ZFYVE9: variants seen among roughly 807,000 people sequenced by gnomAD.
ZFYVE9 encodes the protein zinc finger FYVE-type containing 9.
ZFYVE9 carries 43 observed loss-of-function variants against 126.7 expected under a neutral mutation model. The observed-to-expected ratio is 0.34, with a 90% CI of 0.27 to 0.44. The LOEUF (loss-of-function observed/expected upper bound fraction) is 0.44, where lower values mean the gene tolerates loss of function less well. Among genes scored for constraint, ZFYVE9 ranks in the 20% least tolerant of loss-of-function variants. The pLI is 1.00. For missense variants in ZFYVE9, 1,476 were observed against 1,697.0 expected (o/e 0.87, Z 2.29); for synonymous variants, 521 against 597.4 (o/e 0.87, Z 1.87).
chr1:52,184,924 G>A (rs576180019), intron 1 of ZFYVE9, among the ~76,000 whole-genome samples: 4 of 152,080 alleles, frequency 2.6e-5, no homozygotes, highest in Non-Finnish European at 5.9e-5. Flanking sequence ...GGAGGACAAG[G>A]GGGAGGATTG....
intron 1 of ZFYVE9, among the ~76,000 whole-genome samples, chr1:52,181,987 C>T (rs896445669): frequency 2.0e-5 from 3 of 150,844 alleles, no homozygotes; most frequent in East Asian, 2.0e-4. Flanking sequence ...CGCCCCGTCC[C>T]GGAGGGAGGC....
chr1:52,239,511 G>A lies in ZFYVE9; in HGVS notation c.2094G>A (p.Pro698=), dbSNP rs753986747. The A allele has an allele frequency of 8.1e-6, 13 of 1,614,080 alleles. No homozygotes were observed. The highest frequency in any genetic ancestry group is 1.6e-4 in the Middle Eastern group (1 of 6,062). The part of the protein sequence containing the change: ...TLGEVAPVWV[P]DSQAPNCMKC... ...GTGAGGTGGCTCCAGTATGGGTACC[G>A]GATTCTCAGGCTCCAAATTGCATGA... The change falls in exon 4 of 19, where the codon CCG becomes CCA. Residue 698 remains proline, a synonymous_variant. Coordinates refer to ENST00000287727, the MANE Select transcript of ZFYVE9 (RefSeq NM_004799.4).
chr1:52,251,986 ATT>A (rs201430657), intron 4 of ZFYVE9: 22 of 146,236 alleles, frequency 1.5e-4, no homozygotes, highest in Non-Finnish European at 7.6e-5. Flanking sequence ...GCGTTGAGGC[ATT>A]TTTTTTTTTT....
chr1:52,233,943 G>C (rs999642140), intron 3 of ZFYVE9, among the ~76,000 whole-genome samples: 11 of 152,056 alleles, frequency 7.2e-5, no homozygotes, highest in African/African-American at 1.4e-4. Context: ...ACCATGCCTG[G>C]CTAATTTTTG....
Position 52,253,868 on chromosome 1 carries a change from A to G in ZFYVE9, c.2179-9905A>G, listed in dbSNP as rs570275949. 2.7e-5 allele frequency: 33 copies of G among 1,243,494 alleles called. No individual in the cohort carries two copies. In the East Asian group the frequency reaches 4.4e-4, roughly 17 times the overall value. 77.0% of individuals were successfully genotyped at this position (1,243,494 alleles called of 1,614,324 possible). On this transcript the variant is annotated intron_variant, in intron 4 of 18. Transcript: ENST00000287727. ...AAGACATTATATATTTATGCAGACT[A>G]CAAATCTGATGAAAGCTATACTCCA...
chr1:52,254,169 G>T, intron 4 of ZFYVE9: 1 of 633,720 alleles, frequency 1.6e-6, no homozygotes, highest in South Asian at 2.0e-5. Context: ...ATGATGTATT[G>T]TTCAATAAGG....
intron 1 of ZFYVE9, among the ~76,000 whole-genome samples, chr1:52,177,708 A>G (rs1442281851): frequency 6.6e-6 from 1 of 152,200 alleles, no homozygotes; most frequent in East Asian, 1.9e-4. Flanking sequence ...GTATTGAAAA[A>G]TTAACAGGAG....
At chr1:52,281,302 T>G (rs1645801830) in intron 9 of ZFYVE9, among the ~76,000 whole-genome samples, 1 of 151,980 alleles carries the variant, frequency 6.6e-6, no homozygotes, top group African/African-American at 2.4e-5. Context: ...CCAGCTAATT[T>G]TTTTGTATTT....
At chr1:52,195,870 G>A (rs1219347980) in intron 1 of ZFYVE9, among the ~76,000 whole-genome samples, 1 of 151,596 alleles carries the variant, frequency 6.6e-6, no homozygotes. Flanking sequence ...TCAGCACACT[G>A]CAGCCTCCGC....
At chr1:52,172,268 C>T (rs1007012794) in intron 1 of ZFYVE9, among the ~76,000 whole-genome samples, 3 of 152,124 alleles carry the variant, frequency 2.0e-5, no homozygotes, top group African/African-American at 7.2e-5. Context: ...ATCCTTTCCC[C>T]ATTGCTTGTT....
chr1:52,240,916 G>GA (rs1645327763), intron 4 of ZFYVE9, among the ~76,000 whole-genome samples: 1 of 152,074 alleles, frequency 6.6e-6, no homozygotes, highest in Non-Finnish European at 1.5e-5. Context: ...AGTGTTGCCT[G>GA]AAAAAAAGTG....
intron 1 of ZFYVE9, among the ~76,000 whole-genome samples, chr1:52,175,473 A>G (rs1644617161): frequency 1.3e-5 from 2 of 150,592 alleles, no homozygotes; most frequent in South Asian, 4.3e-4. Flanking sequence ...GAATCTGACA[A>G]TTATGTGTCT....
chr1:52,285,912 T>C (rs1264068977), intron 10 of ZFYVE9, among the ~76,000 whole-genome samples: 1 of 152,136 alleles, frequency 6.6e-6, no homozygotes, highest in Non-Finnish European at 1.5e-5. Flanking sequence ...CCCAGCACTT[T>C]GGCAGGCCAA....
chr1:52,185,443 G>T (rs966309157), intron 1 of ZFYVE9, among the ~76,000 whole-genome samples: 4 of 152,074 alleles, frequency 2.6e-5, no homozygotes, highest in Non-Finnish European at 4.4e-5. Flanking sequence ...TATAAGCCTG[G>T]GAAATGTTAT....
At chr1:52,263,906 T>A in intron 5 of ZFYVE9, 34 bp downstream of exon 5, 2 of 1,423,876 alleles carry the variant, frequency 1.4e-6, no homozygotes, top group Non-Finnish European at 1.9e-6. Context: ...TCATAGTTAT[T>A]GAGACAAAAC....
intron 15 of ZFYVE9, among the ~76,000 whole-genome samples, chr1:52,335,871 C>A (rs527859034): frequency 6.6e-6 from 1 of 151,070 alleles, no homozygotes; most frequent in East Asian, 1.9e-4. Context: ...CGGTGGCTCA[C>A]GCCTGTAATC....
At chr1:52,338,788 G>T (rs374842731) in intron 16 of ZFYVE9, among the ~76,000 whole-genome samples, 14 of 152,214 alleles carry the variant, frequency 9.2e-5, no homozygotes, top group East Asian at 7.7e-4. Flanking sequence ...GAGGCAGGTG[G>T]ATCGCCTGAG....
intron 2 of ZFYVE9, among the ~76,000 whole-genome samples, chr1:52,220,641 A>T (rs752029782): frequency 6.6e-6 from 1 of 152,146 alleles, no homozygotes; most frequent in African/African-American, 2.4e-5. Flanking sequence ...TACATTGCAC[A>T]TAGCTTGAGG....
chr1:52,346,382 G>C lies in ZFYVE9; in HGVS notation c.*161G>C. The C allele has an allele frequency of 1.4e-6, 1 of 725,270 alleles. No homozygotes were observed. The highest frequency in any genetic ancestry group is 2.1e-6 in the Non-Finnish European group (1 of 485,328). The allele number at this position is 725,270 out of a possible 1,614,324, so 44.9% of individuals were successfully genotyped here. On this transcript the variant is annotated 3_prime_UTR_variant, in exon 19 of 19. Coordinates refer to ENST00000287727, the MANE Select transcript of ZFYVE9 (RefSeq NM_004799.4). ...GTTTGGGAGACGGGTGGGAAAGGGT[G>C]GTTGGGGGGACCGATGTTCCATAAT...
Sources: allele counts gnomAD v4.1 joint callset (sites outside exome capture counted in the v4.1 genomes callset), GRCh38; gene constraint gnomAD v4.1.1; transcripts MANE v1.5; gene names NCBI Gene and HGNC (gene_info 2026-07-23, HGNC 2026-07-21).